The following OR7E24 variants were observed in gnomAD, a reference collection of about 807,000 sequenced individuals.
OR7E24 encodes olfactory receptor 7E24.
For synonymous variants in OR7E24, 130 were observed against 157.5 expected, an observed-to-expected ratio of 0.83 and a Z score of 1.31; for missense variants, 385 against 410.3, an observed-to-expected ratio of 0.94 and a Z score of 0.53.
the OR7E24 span, among the ~76,000 whole-genome samples, chr19:9,232,588 C>T: frequency 1.3e-5 from 2 of 149,314 alleles, no homozygotes; most frequent in South Asian, 4.2e-4. Context: ...GTAAACGGCA[C>T]ACCTGGTCCA....
the OR7E24 span, chr19:9,212,663 A>G: frequency 2.0e-5 from 3 of 152,200 alleles, no homozygotes; most frequent in African/African-American, 7.2e-5. Context: ...CATTCTGGCC[A>G]GTATATTACT....
At chr19:9,247,194 C>G, upstream of OR7E24, 1 of 320,874 alleles carries the variant, frequency 3.1e-6, no homozygotes, top group Non-Finnish European at 5.6e-6. Context: ...TGTGGACATT[C>G]ATTTCCTCTT....
chr19:9,239,844 G>A, the OR7E24 span, among the ~76,000 whole-genome samples: 10 of 151,838 alleles, frequency 6.6e-5, no homozygotes, highest in Non-Finnish European at 1.2e-4. Context: ...GAGTAGCTGG[G>A]ATTACAGGCA....
chr19:9,251,767 C>T lies in OR7E24; in HGVS notation c.724C>T (p.Pro242Ser), dbSNP rs2240928. Residue 242 changes from proline (P) to serine (S), a missense_variant, in exon 1 of 1, where the codon CCC (proline) becomes TCC (serine). By Grantham distance (74) the Pro-to-Ser change is moderately conservative. Coordinates refer to ENST00000456448, the MANE Select transcript of OR7E24 (RefSeq NM_001079935.2). ...TTTCTCTTACTATAAAATTGTTTCC[C>T]CCATTCTGAGAGTTCCAACATCAGA... ...ILFSYYKIVS[P>S]ILRVPTSDGK... 0.31 allele frequency: 502,286 copies of T among 1,609,564 alleles called. 91,131 individuals are homozygous for T. The highest frequency in any genetic ancestry group is 0.77 in the African/African-American group (57,431 of 74,866).
chr19:9,235,819 A>G, the OR7E24 span: 1 of 1,611,558 alleles, frequency 6.2e-7, no homozygotes. Context: ...CTCCTCCTTA[A>G]TGAGAATGTC....
chr19:9,216,179 T>C, the OR7E24 span, among the ~76,000 whole-genome samples: 1 of 152,172 alleles, frequency 6.6e-6, no homozygotes, highest in South Asian at 2.1e-4. Context: ...GAATTCAAGA[T>C]GAGATCTGCC....
At chr19:9,228,261 T>C in the OR7E24 span, among the ~76,000 whole-genome samples, 1 of 152,226 alleles carries the variant, frequency 6.6e-6, no homozygotes, top group Non-Finnish European at 1.5e-5. Flanking sequence ...ATATTGGGGA[T>C]GTAGCACATT....
chr19:9,231,780 GT>G, the OR7E24 span, among the ~76,000 whole-genome samples: 10 of 152,206 alleles, frequency 6.6e-5, 1 homozygote, highest in Admixed American at 6.5e-5. Context: ...ATTAATAGGA[GT>G]CTTACATGTT....
At chr19:9,237,888 CA>C in the OR7E24 span, among the ~76,000 whole-genome samples, 1 of 152,200 alleles carries the variant, frequency 6.6e-6, no homozygotes, top group Non-Finnish European at 1.5e-5. Flanking sequence ...GAGCAAGTGA[CA>C]AACTGAGTTT....
the OR7E24 span, chr19:9,214,955 C>T: frequency 1.6e-6 from 1 of 627,060 alleles, no homozygotes; most frequent in South Asian, 2.0e-5. Flanking sequence ...GTCACCCTTC[C>T]TGGAGTCCTT....
the OR7E24 span, among the ~76,000 whole-genome samples, chr19:9,221,933 C>A: frequency 6.6e-6 from 1 of 152,250 alleles, no homozygotes; most frequent in South Asian, 2.1e-4. Context: ...TTGTTATTTT[C>A]TAGCTTTTCT....
chr19:9,224,050 C>T, the OR7E24 span, among the ~76,000 whole-genome samples: 1 of 151,952 alleles, frequency 6.6e-6, no homozygotes, highest in Non-Finnish European at 1.5e-5. Context: ...CAGGGTTTCA[C>T]CATGTTAGCC....
the OR7E24 span, chr19:9,214,554 A>C: frequency 6.2e-7 from 1 of 1,614,046 alleles, no homozygotes; most frequent in African/African-American, 1.3e-5. Flanking sequence ...GAGGCACCCC[A>C]TGTAGGAGAT....
chr19:9,233,489 G>A, the OR7E24 span, among the ~76,000 whole-genome samples: 2 of 152,196 alleles, frequency 1.3e-5, no homozygotes, highest in African/African-American at 4.8e-5. Flanking sequence ...TTTAATGGCT[G>A]TGTGCTTTTG....
In OR7E24 at chr19:9,251,749, T is replaced by G; in HGVS notation, c.706T>G (p.Tyr236Asp). The G allele has an allele frequency of 6.2e-7, 1 of 1,611,824 alleles. No individual in the cohort carries two copies. Among genetic ancestry groups the G allele is most frequent in the Non-Finnish European group, 8.5e-7 (1 of 1,178,848 alleles). The change falls in exon 1 of 1, where the codon TAC becomes GAC. Residue 236 changes from tyrosine to aspartate, a missense_variant. Tyr to Asp is a radical substitution (Grantham distance 160). Transcript: ENST00000456448. ...CLPISGILFSYYKIVSPILRV... is the reference protein window; with the variant it reads ...CLPISGILFSDYKIVSPILRV... The stretch of plus-strand genomic sequence containing the variant: ...CCCTATCTCAGGGATCCTTTTCTCT[T>G]ACTATAAAATTGTTTCCCCCATTCT...
the OR7E24 span, chr19:9,213,721 G>C: frequency 3.3e-6 from 2 of 598,358 alleles, no homozygotes; most frequent in Non-Finnish European, 2.9e-6. Context: ...CTGGGCGACA[G>C]AGCCAGACTC....
At position 9,252,269 on chromosome 19, in the gene OR7E24, C is replaced by T. The variant is rs571999723; in HGVS notation, c.*206C>T. The T allele has an allele frequency of 9.6e-5, 47 of 489,724 alleles. No homozygotes were observed. Among genetic ancestry groups the T allele is most frequent in the Admixed American group, 4.2e-4 (12 of 28,286 alleles). 30.3% of individuals were successfully genotyped at this position (489,724 alleles called of 1,614,324 possible). A position where few individuals can be genotyped will look rare whatever the true frequency, so the allele number is the denominator to read the frequency against. ...AATGATTCCAATATACCTAGACAGC[C>T]TCCTTTAGTATCTGTGCAATGACCT... On this transcript the variant is annotated 3_prime_UTR_variant, in exon 1 of 1. Transcript: ENST00000456448.
Position 9,251,471 on chromosome 19 carries a change from C to G in OR7E24, c.428C>G (p.Ala143Gly). 6.2e-7 allele frequency: 1 copy of G among 1,614,078 alleles called. No individual in the cohort carries two copies. The highest frequency in any genetic ancestry group is 8.5e-7 in the Non-Finnish European group (1 of 1,180,004). The change falls in exon 1 of 1, where the codon GCC becomes GGC. Residue 143 changes from alanine (A) to glycine (G), a missense_variant. Ala to Gly is a moderately conservative substitution (Grantham distance 60). Transcript: ENST00000456448. ...GTGATGGCCTATGACCGGTTTGTGG[C>G]CATCTGTCACCCCCTGCACTACCGA... Reference protein sequence around the residue: ...LSVMAYDRFVAICHPLHYRII... With the variant: ...LSVMAYDRFVGICHPLHYRII...
chr19:9,232,261 C>T, the OR7E24 span, among the ~76,000 whole-genome samples: 2 of 152,030 alleles, frequency 1.3e-5, no homozygotes, highest in South Asian at 2.1e-4. Flanking sequence ...GCTATATGGC[C>T]GGGCTCGGTG....
Sources: allele counts gnomAD v4.1 joint callset (sites outside exome capture counted in the v4.1 genomes callset), GRCh38; gene constraint gnomAD v4.1.1; transcripts MANE v1.5; gene names NCBI Gene and HGNC (gene_info 2026-07-23, HGNC 2026-07-21).